UBE2W: variants seen among roughly 807,000 people sequenced by gnomAD.
UBE2W encodes the protein ubiquitin conjugating enzyme E2 W, also known as ubiquitin-conjugating enzyme E2 W.
In UBE2W, 18 loss-of-function variants were observed where a neutral mutation model predicts 27.2. That is an observed-to-expected ratio of 0.66 (90% confidence interval 0.46 to 0.98). UBE2W has a LOEUF of 0.98. Among genes scored for constraint, UBE2W ranks in the 50% least tolerant of loss-of-function variants. The probability of loss-of-function intolerance (pLI) is 0.00; values close to 1 mark genes in which losing one functional copy is unlikely to be tolerated. For missense variants in UBE2W, 90 were observed against 180.2 expected (o/e 0.50, Z 2.87); for synonymous variants, 53 against 57.2 (o/e 0.93, Z 0.33).
Position 73,878,789 on chromosome 8 carries a change from T to C in UBE2W, c.15+19A>G, listed in dbSNP as rs1237304126. The C allele has an allele frequency of 6.5e-7, 1 of 1,546,838 alleles. No individual in the cohort carries two copies. Among genetic ancestry groups the C allele is most frequent in the African/African-American group, 1.4e-5 (1 of 72,728 alleles). The stretch of plus-strand genomic sequence containing the variant: ...TCGGCGGCTCCCTGGCCCGCCCAGA[T>C]GCAGCAAACTCCTCTCACCTGCATT... On this transcript the variant is annotated intron_variant, in intron 1 of 5. Coordinates refer to ENST00000602593, the MANE Select transcript of UBE2W (RefSeq NM_018299.6).
In UBE2W at chr8:73,792,905, T is replaced by C. The variant is rs541926292; in HGVS notation, c.*1197A>G. 1 of 985,732 alleles carries C rather than the reference T, an allele frequency of 1.0e-6. No homozygotes were observed. Among genetic ancestry groups the C allele is most frequent in the Non-Finnish European group, 1.2e-6 (1 of 829,880 alleles). 61.1% of individuals were successfully genotyped at this position (985,732 alleles called of 1,614,324 possible). A position where few individuals can be genotyped will look rare whatever the true frequency, so the allele number is the denominator to read the frequency against. On this transcript the variant is annotated 3_prime_UTR_variant, in exon 6 of 6. Coordinates refer to ENST00000602593, the MANE Select transcript of UBE2W (RefSeq NM_018299.6). ...CTGTGTGAGACAAATAAGCAACCAT[T>C]TGATAGTGACTTTTGCCTAAATTTT... is the stretch of plus-strand genomic sequence containing the variant.
At chr8:73,799,264 G>A (rs957636061) in intron 5 of UBE2W, among the ~76,000 whole-genome samples, 4 of 152,032 alleles carry the variant, frequency 2.6e-5, no homozygotes, top group African/African-American at 9.7e-5. Flanking sequence ...TACAAGCTAT[G>A]ATGCAAGCAA....
chr8:73,812,384 G>A (rs1453386637), intron 3 of UBE2W, among the ~76,000 whole-genome samples: 1 of 151,816 alleles, frequency 6.6e-6, no homozygotes, highest in Non-Finnish European at 1.5e-5. Flanking sequence ...ATCGGTGCTA[G>A]TACCCTCTTC....
At chr8:73,783,714 C>T (rs1807884942), downstream of UBE2W, among the ~76,000 whole-genome samples, 1 of 152,308 alleles carries the variant, frequency 6.6e-6, no homozygotes, top group Admixed American at 6.5e-5. Context: ...AAGTGCAAAT[C>T]TCATTCCACC....
At chr8:73,838,276 C>T (rs77277345) in intron 1 of UBE2W, among the ~76,000 whole-genome samples, 15,031 of 152,102 alleles carry the variant, frequency 0.099, 798 homozygotes, top group Middle Eastern at 0.17. Flanking sequence ...TAATTTATTC[C>T]TTTTTTTCCC....
intron 1 of UBE2W, among the ~76,000 whole-genome samples, chr8:73,866,951 G>A (rs1811801615): frequency 6.6e-6 from 1 of 150,646 alleles, no homozygotes; most frequent in Non-Finnish European, 1.5e-5. Flanking sequence ...GTTGCAGTGA[G>A]CCGAGATCAC....
intron 1 of UBE2W, among the ~76,000 whole-genome samples, chr8:73,839,727 T>G (rs910046469): frequency 4.3e-5 from 3 of 69,248 alleles, no homozygotes; most frequent in Admixed American, 1.3e-4. Flanking sequence ...TCTTTTTTGG[T>G]TTTTTTTTTT....
chr8:73,805,472 C>CAAAAAAAAAAAAAAAACAACAAAAAA, intron 5 of UBE2W, among the ~76,000 whole-genome samples, 179 bp downstream of exon 5: 1 of 43,676 alleles, frequency 2.3e-5, no homozygotes, highest in Admixed American at 3.9e-4. Context: ...AAAAAAAAAA[C>CAAAAAAAAAAAAAAAACAACAAAAAA]AAAAAAAACT....
At chr8:73,798,066 T>C (rs996023385) in intron 5 of UBE2W, among the ~76,000 whole-genome samples, 1 of 152,172 alleles carries the variant, frequency 6.6e-6, no homozygotes, top group African/African-American at 2.4e-5. Context: ...GGCGGGCAGA[T>C]TGCTTGAGTC....
intron 1 of UBE2W, among the ~76,000 whole-genome samples, chr8:73,847,810 G>A (rs1207132051): frequency 2.0e-5 from 3 of 152,130 alleles, no homozygotes; most frequent in Non-Finnish European, 2.9e-5. Context: ...GCTGAGGCAG[G>A]AGAATTGCTT....
rs1267971469 is a variant in UBE2W, at chr8:73,791,267, G to GAAAAA, written c.*2830_*2834dup. On this transcript the variant is annotated 3_prime_UTR_variant, in exon 6 of 6. Transcript: ENST00000602593. ...TGGCATTAATCCCTACTTGACCAAA[G>GAAAAA]AAAAAAAAAAAAAAGAAGGGCATCA... 4.5e-6 allele frequency: 2 copies of GAAAAA among 446,442 alleles called. No homozygotes were observed. The allele number at this position is 446,442 out of a possible 1,614,324, so 27.7% of individuals were successfully genotyped here.
chr8:73,820,262 A>G (rs1809552582), intron 3 of UBE2W, among the ~76,000 whole-genome samples: 2 of 152,220 alleles, frequency 1.3e-5, no homozygotes. Flanking sequence ...CTTGAAGTCT[A>G]TAAGCACATC....
At position 73,878,847 on chromosome 8, in the gene UBE2W, G is replaced by T; in HGVS notation, c.-25C>A. ...TGATGGAACCATCCCCCCAAGACCG[G>T]CGAGGCCAGAGACGCAGGGGGAGGA... On this transcript the variant is annotated 5_prime_UTR_variant, in exon 1 of 6. Transcript: ENST00000602593. 6.5e-7 allele frequency: 1 copy of T among 1,548,430 alleles called. No homozygotes were observed. The highest frequency in any genetic ancestry group is 1.2e-5 in the South Asian group (1 of 83,912).
At position 73,787,590 on chromosome 8, in the gene UBE2W, C is replaced by G; in HGVS notation, c.*6512G>C. The G allele has an allele frequency of 1.0e-6, 1 of 985,384 alleles. No individual in the cohort carries two copies. Among genetic ancestry groups the G allele is most frequent in the Non-Finnish European group, 1.2e-6 (1 of 829,918 alleles). 61.0% of individuals were successfully genotyped at this position (985,384 alleles called of 1,614,324 possible). A position where few individuals can be genotyped will look rare whatever the true frequency, so the allele number is the denominator to read the frequency against. On this transcript the variant is annotated 3_prime_UTR_variant, in exon 6 of 6. Transcript: ENST00000602593. ...TAAGGTGCTCCTGGGGCAAGCAGATCCCCTGCAGAAAAGCTTAGAATTACC... is the reference window on the plus strand; with the variant it reads ...TAAGGTGCTCCTGGGGCAAGCAGATGCCCTGCAGAAAAGCTTAGAATTACC...
At chr8:73,819,746 G>A (rs1809532956) in intron 3 of UBE2W, among the ~76,000 whole-genome samples, 1 of 152,118 alleles carries the variant, frequency 6.6e-6, no homozygotes, top group African/African-American at 2.4e-5. Flanking sequence ...ATTTTAGAGA[G>A]GTAACTTTTT....
chr8:73,866,242 G>A (rs1811751833), intron 1 of UBE2W, among the ~76,000 whole-genome samples: 1 of 123,882 alleles, frequency 8.1e-6, no homozygotes, highest in African/African-American at 3.0e-5. Context: ...CTGCACTCCA[G>A]CCTGGTGACA....
At chr8:73,844,967 G>C in intron 1 of UBE2W, among the ~76,000 whole-genome samples, 1 of 152,060 alleles carries the variant, frequency 6.6e-6, no homozygotes, top group South Asian at 2.1e-4. Flanking sequence ...CCCCGTCTGG[G>C]AAGCGAGGAG....
chr8:73,806,328 T>C (rs190661572), intron 4 of UBE2W, among the ~76,000 whole-genome samples: 12 of 151,786 alleles, frequency 7.9e-5, no homozygotes, highest in African/African-American at 2.7e-4. Flanking sequence ...AAGGTGGAGG[T>C]TGCAGTGAGC....
intron 1 of UBE2W, among the ~76,000 whole-genome samples, chr8:73,844,639 G>A (rs544972488): frequency 6.1e-5 from 9 of 146,942 alleles, no homozygotes; most frequent in African/African-American, 1.3e-4. Context: ...CCCTCTGCCC[G>A]GCCGCCCAGT....
Sources: gnomAD v4.1 joint callset for allele counts (sites outside exome capture counted in the v4.1 genomes callset) on GRCh38, gnomAD v4.1.1 for gene constraint, MANE v1.5 for transcripts, NCBI Gene and HGNC (gene_info 2026-07-23, HGNC 2026-07-21) for gene names.